The following KCNIP1 variants were observed in gnomAD, a reference collection of about 807,000 sequenced individuals.
The protein encoded by KCNIP1 is potassium voltage-gated channel interacting protein 1, also known as A-type potassium channel modulatory protein KCNIP1.
KCNIP1 carries 18 observed loss-of-function variants against 33.0 expected under a neutral mutation model. The ratio of observed to expected loss-of-function variants is 0.55; its 90% CI spans 0.38 to 0.81. The LOEUF is 0.81. Among genes scored for constraint, KCNIP1 ranks in the 30% least tolerant of loss-of-function variants. KCNIP1 has a pLI of 0.00. For missense variants in KCNIP1, 238 were observed against 271.6 expected, an observed-to-expected ratio of 0.88 and a Z score of 0.87; for synonymous variants, 93 against 98.3, an observed-to-expected ratio of 0.95 and a Z score of 0.32.
intron 1 of KCNIP1, among the ~76,000 whole-genome samples, chr5:170,635,123 G>A (rs1439488240): frequency 1.3e-5 from 2 of 152,148 alleles, no homozygotes; most frequent in African/African-American, 4.8e-5. Context: ...TCCGCCTTCC[G>A]GGCTAAGGCA....
chr5:170,378,352 A>G (rs1764090153), intron 1 of KCNIP1: 2 of 212,828 alleles, frequency 9.4e-6, no homozygotes, highest in Non-Finnish European at 9.3e-6. Context: ...CCGCTTTGAG[A>G]CAACAGGGAG....
chr5:170,684,455 T>A (rs1762470975), intron 1 of KCNIP1, among the ~76,000 whole-genome samples: 1 of 152,226 alleles, frequency 6.6e-6, no homozygotes, highest in Non-Finnish European at 1.5e-5. Context: ...AATCTCAGCC[T>A]CTAGTTTGTG....
chr5:170,514,522 C>T (rs1755056558), intron 1 of KCNIP1, among the ~76,000 whole-genome samples: 1 of 152,206 alleles, frequency 6.6e-6, no homozygotes, highest in Non-Finnish European at 1.5e-5. Context: ...GGTCCTCCCA[C>T]CACTGCCCCG....
Position 170,504,128 on chromosome 5 carries a change from CCGAGACCCAG to C in KCNIP1, c.-443_-434del. On this transcript the variant is annotated 5_prime_UTR_variant, in exon 1 of 8. An upstream open reading frame in the 5' UTR loses its in-frame stop. Transcript: ENST00000328939. The surrounding 1 kb of genome is among the most constrained non-coding windows in gnomAD (Gnocchi z 6.0). ...TCATTCATGATTGGTACTCGGCCCTCCGAGACCCAGCCCGAGCGCAGGGAGGGGAGCCGAG... is the reference window on the plus strand; with the variant it reads ...TCATTCATGATTGGTACTCGGCCCTCCCCGAGCGCAGGGAGGGGAGCCGAG... The C allele has an allele frequency of 1.0e-6, 1 of 992,526 alleles. No individual in the cohort carries two copies. 61.5% of individuals were successfully genotyped at this position (992,526 alleles called of 1,614,324 possible). A position where few individuals can be genotyped will look rare whatever the true frequency, so the allele number is the denominator to read the frequency against.
At chr5:170,534,009 C>T (rs1755878797) in intron 1 of KCNIP1, among the ~76,000 whole-genome samples, 1 of 152,222 alleles carries the variant, frequency 6.6e-6, no homozygotes, top group African/African-American at 2.4e-5. Flanking sequence ...ACTCACTTTG[C>T]AGCCAGTCTG....
intron 1 of KCNIP1, among the ~76,000 whole-genome samples, chr5:170,474,181 AG>A (rs1756798690): frequency 6.6e-6 from 1 of 152,226 alleles, no homozygotes; most frequent in Non-Finnish European, 1.5e-5. Context: ...GGCTGCTCAG[AG>A]ACAGCTTCTA....
intron 1 of KCNIP1, among the ~76,000 whole-genome samples, chr5:170,695,887 C>T (rs181054339): frequency 0.022 from 3,360 of 152,126 alleles, 42 homozygotes; most frequent in Middle Eastern, 0.034. Context: ...GGTGTGGTGG[C>T]ATGCGCCTGT....
chr5:170,378,923 G>T, intron 1 of KCNIP1: 1 of 1,614,176 alleles, frequency 6.2e-7, no homozygotes, highest in Non-Finnish European at 8.5e-7. Context: ...CCTTCTCCAC[G>T]TCGGCCCGGG....
At chr5:170,665,747 G>T (rs1354774651) in intron 1 of KCNIP1, among the ~76,000 whole-genome samples, 1 of 152,156 alleles carries the variant, frequency 6.6e-6, no homozygotes, top group Non-Finnish European at 1.5e-5. Flanking sequence ...GGCTGTGACA[G>T]TTTCTTAGGC....
At chr5:170,569,765 G>A (rs1217957193) in intron 1 of KCNIP1, among the ~76,000 whole-genome samples, 2 of 151,964 alleles carry the variant, frequency 1.3e-5, no homozygotes, top group Non-Finnish European at 2.9e-5. Flanking sequence ...TTTTAAAGAG[G>A]TTGAAAGGTG....
chr5:170,651,728 C>T lies in KCNIP1; in HGVS notation c.62-67030C>T, dbSNP rs574729023. On this transcript the variant is annotated intron_variant, in intron 1 of 7. Coordinates refer to ENST00000328939, the MANE Select transcript of KCNIP1 (RefSeq NM_014592.4). Reference sequence around the variant, plus strand: ...TTTATAAAGAACATTCCTGGAGAGGCGGGTGGATTAATTATTCAGCATCCT... The same window carrying T: ...TTTATAAAGAACATTCCTGGAGAGGTGGGTGGATTAATTATTCAGCATCCT... 3.9e-5 allele frequency among the ~76,000 whole-genome samples: 6 copies of T among 152,222 alleles called. No individual in the cohort carries two copies. In the South Asian group the frequency reaches 1.0e-3, roughly 26 times the overall value.
chr5:170,596,758 T>TTCCTGATC (rs1198980953), intron 1 of KCNIP1, among the ~76,000 whole-genome samples: 137 of 152,338 alleles, frequency 9.0e-4, no homozygotes, highest in African/African-American at 3.1e-3. Flanking sequence ...GAGCTGGAGC[T>TTCCTGATC]ATGATCAGGG....
At chr5:170,597,820 T>TATATATATATATAAAA (rs1441774904) in intron 1 of KCNIP1, among the ~76,000 whole-genome samples, 4 of 56,358 alleles carry the variant, frequency 7.1e-5, no homozygotes, top group Non-Finnish European at 1.1e-4. Flanking sequence ...TATATATATA[T>TATATATATATATAAAA]ATATATATAT....
chr5:170,601,156 C>T (rs1214127408), intron 1 of KCNIP1, among the ~76,000 whole-genome samples: 11 of 152,258 alleles, frequency 7.2e-5, no homozygotes, highest in Admixed American at 2.6e-4. Flanking sequence ...TTGCAGTTTG[C>T]GCGCTAAGGC....
intron 1 of KCNIP1, among the ~76,000 whole-genome samples, chr5:170,692,725 A>G (rs1012131508): frequency 2.6e-5 from 4 of 152,348 alleles, no homozygotes; most frequent in African/African-American, 4.8e-5. Context: ...TAGGTATTCA[A>G]TAAACTCTTC....
Position 170,723,173 on chromosome 5 carries a change from G to T in KCNIP1, c.435+353G>T, listed in dbSNP as rs1294122284. On this transcript the variant is annotated intron_variant, in intron 5 of 7. Coordinates refer to ENST00000328939, the MANE Select transcript of KCNIP1 (RefSeq NM_014592.4). ...CAAGTCAAAGCTAAAAGTTGAAATG[G>T]TGGAATTGTAGGCAGCACCTAGAAT... Among the ~76,000 whole-genome samples, 3 of 152,178 alleles carry T rather than the reference G, an allele frequency of 2.0e-5. No individual in the cohort carries two copies. The East Asian group carries it at 5.8e-4, about 29-fold the overall frequency.
At chr5:170,547,322 A>C (rs1464711949) in intron 1 of KCNIP1, among the ~76,000 whole-genome samples, 1 of 152,020 alleles carries the variant, frequency 6.6e-6, no homozygotes, top group Non-Finnish European at 1.5e-5. Flanking sequence ...TTGTCTCCTT[A>C]GTTCTTTGCT....
chr5:170,457,980 AATAG>A (rs1189916467), intron 1 of KCNIP1, among the ~76,000 whole-genome samples: 1 of 152,216 alleles, frequency 6.6e-6, no homozygotes, highest in Admixed American at 6.5e-5. Context: ...TTTTCAATGA[AATAG>A]ATAGCATAAA....
intron 1 of KCNIP1, among the ~76,000 whole-genome samples, chr5:170,575,810 A>C (rs1262702554): frequency 6.6e-6 from 1 of 152,166 alleles, no homozygotes; most frequent in Admixed American, 6.5e-5. Flanking sequence ...GGACTGCTAA[A>C]AATAATTGGT....
Sources: allele counts gnomAD v4.1 joint callset (sites outside exome capture counted in the v4.1 genomes callset), GRCh38; gene constraint gnomAD v4.1.1; non-coding constraint Gnocchi (gnomAD v3.1); transcripts MANE v1.5; gene names NCBI Gene and HGNC (gene_info 2026-07-23, HGNC 2026-07-21).